Variants in TBL1XR1 observed in about 807,000 individuals in gnomAD.
TBL1XR1 encodes the protein TBL1X/Y related 1.
In TBL1XR1, 5 loss-of-function variants were observed where a neutral mutation model predicts 66.9. The ratio of observed to expected loss-of-function variants is 0.07; its 90% confidence interval spans 0.04 to 0.16. The LOEUF (loss-of-function observed/expected upper bound fraction) is 0.16. Ranked by LOEUF, TBL1XR1 falls within the 10% of genes least tolerant of loss-of-function variation. The pLI is 1.00. For missense variants in TBL1XR1, 238 were observed against 623.2 expected, an observed-to-expected ratio of 0.38 and a Z score of 6.58; for synonymous variants, 210 against 206.0, an observed-to-expected ratio of 1.02 and a Z score of -0.17.
At chr3:177,072,297 G>A (rs1438890934) in intron 2 of TBL1XR1, among the ~76,000 whole-genome samples, 1 of 152,054 alleles carries the variant, frequency 6.6e-6, no homozygotes, top group African/African-American at 2.4e-5. Context: ...GGAACTGTGA[G>A]GTCAAAATTA....
At position 177,138,050 on chromosome 3, in the gene TBL1XR1, A is replaced by G. The variant is rs143997764; in HGVS notation, c.-121-39509T>C. 8.8e-3 allele frequency among the ~76,000 whole-genome samples: 1,344 copies of G among 152,336 alleles called. 5 individuals are homozygous for G. Among genetic ancestry groups the G allele is most frequent in the Non-Finnish European group, 0.015 (999 of 68,022 alleles). On this transcript the variant is annotated intron_variant, in intron 1 of 15. Transcript: ENST00000457928. ...TGATAAATTCTAAAGAATTTTGATC[A>G]GGTTGAAAGTAAAACAGACTGACAA...
In TBL1XR1 at chr3:177,061,486, T is replaced by C. The variant is rs544560039; in HGVS notation, c.58+3434A>G. 1.5e-4 allele frequency among the ~76,000 whole-genome samples: 23 copies of C among 152,308 alleles called. No homozygotes were observed. In the East Asian group the frequency reaches 3.7e-3, roughly 24 times the overall value. ...TATCAAAACATAAAAACTTTCATAA[T>C]GTGTTTTTGGACAGTCTTTGATAAT... On this transcript the variant is annotated intron_variant, in intron 3 of 15. Coordinates refer to ENST00000457928, the MANE Select transcript of TBL1XR1 (RefSeq NM_024665.7).
chr3:177,196,885 G>A (rs867372665), intron 1 of TBL1XR1, among the ~76,000 whole-genome samples: 3 of 151,780 alleles, frequency 2.0e-5, no homozygotes, highest in African/African-American at 4.8e-5. Flanking sequence ...GGGCAGGCAC[G>A]TGAGCATTTC....
intron 10 of TBL1XR1, among the ~76,000 whole-genome samples, chr3:177,039,116 A>G (rs1231628469): frequency 2.0e-5 from 3 of 152,266 alleles, no homozygotes; most frequent in African/African-American, 4.8e-5. Flanking sequence ...ATTATAAGGT[A>G]TATGTAAAAC....
intron 2 of TBL1XR1, among the ~76,000 whole-genome samples, 183 bp downstream of exon 2, chr3:177,098,283 A>T (rs891423205): frequency 3.3e-5 from 5 of 152,260 alleles, no homozygotes; most frequent in Non-Finnish European, 2.9e-5. Context: ...AAATATTCAA[A>T]AGTTATTTTT....
chr3:177,130,936 G>A (rs542476519), intron 1 of TBL1XR1, among the ~76,000 whole-genome samples: 92 of 152,254 alleles, frequency 6.0e-4, no homozygotes, highest in Middle Eastern at 3.4e-3. Context: ...GAGGTTAAGA[G>A]GATTGTTTGA....
chr3:177,144,048 C>G (rs1351625650), intron 1 of TBL1XR1, among the ~76,000 whole-genome samples: 1 of 151,624 alleles, frequency 6.6e-6, no homozygotes, highest in Non-Finnish European at 1.5e-5. Context: ...GAGTTTAAGA[C>G]CAGCCTGACC....
At chr3:177,084,083 G>A (rs1204313899) in intron 2 of TBL1XR1, among the ~76,000 whole-genome samples, 16 of 111,674 alleles carry the variant, frequency 1.4e-4, no homozygotes, top group African/African-American at 4.1e-4. Context: ...GCGAGACTCC[G>A]TCTCAAAAAA....
chr3:177,128,985 C>T (rs1727973624), intron 1 of TBL1XR1, among the ~76,000 whole-genome samples: 1 of 152,150 alleles, frequency 6.6e-6, no homozygotes, highest in Admixed American at 6.5e-5. Context: ...TTCTATAACT[C>T]CACTTACACG....
At chr3:177,081,839 A>G (rs1476414840) in intron 2 of TBL1XR1, among the ~76,000 whole-genome samples, 1 of 152,050 alleles carries the variant, frequency 6.6e-6, no homozygotes, top group African/African-American at 2.4e-5. Flanking sequence ...TAATTACAGT[A>G]TTGTATATAT....
At chr3:177,108,925 GAGA>G (rs1430605006) in intron 1 of TBL1XR1, among the ~76,000 whole-genome samples, 3 of 152,254 alleles carry the variant, frequency 2.0e-5, no homozygotes, top group Admixed American at 1.3e-4. Flanking sequence ...AAGCAGCGAT[GAGA>G]AGAAATGTTA....
intron 1 of TBL1XR1, among the ~76,000 whole-genome samples, chr3:177,117,883 C>A (rs1451719315): frequency 6.6e-6 from 1 of 152,134 alleles, no homozygotes; most frequent in Non-Finnish European, 1.5e-5. Flanking sequence ...AGGTGAATGT[C>A]AACCAATAAC....
At chr3:177,079,618 A>G (rs1273306773) in intron 2 of TBL1XR1, 1 of 152,020 alleles carries the variant, frequency 6.6e-6, no homozygotes, top group Non-Finnish European at 1.5e-5. Context: ...AAATCCTCTG[A>G]AAGTTTAACT....
At chr3:177,067,176 A>G (rs1719276821) in intron 2 of TBL1XR1, among the ~76,000 whole-genome samples, 1 of 152,202 alleles carries the variant, frequency 6.6e-6, no homozygotes, top group Non-Finnish European at 1.5e-5. Flanking sequence ...TGACTTTAAA[A>G]ACAAAACATC....
chr3:177,129,010 T>C (rs567285420), intron 1 of TBL1XR1, among the ~76,000 whole-genome samples: 1 of 152,212 alleles, frequency 6.6e-6, no homozygotes, highest in South Asian at 2.1e-4. Flanking sequence ...TCAAATTTCA[T>C]GTTCAGCACG....
intron 2 of TBL1XR1, among the ~76,000 whole-genome samples, chr3:177,097,029 A>G (rs1247209665): frequency 1.3e-5 from 2 of 152,212 alleles, no homozygotes; most frequent in East Asian, 3.8e-4. Flanking sequence ...GGAATTCAGA[A>G]GAGTTTAAAC....
upstream of TBL1XR1, among the ~76,000 whole-genome samples, chr3:177,200,600 T>C (rs981395305): frequency 2.6e-5 from 4 of 152,220 alleles, no homozygotes; most frequent in African/African-American, 9.6e-5. Context: ...GTTACTAATA[T>C]TCAGTACTTT....
At chr3:177,198,209 G>A (rs1231202861), upstream of TBL1XR1, among the ~76,000 whole-genome samples, 1 of 152,186 alleles carries the variant, frequency 6.6e-6, no homozygotes, top group Non-Finnish European at 1.5e-5. Flanking sequence ...ACGGGATCTG[G>A]AGAGAAAACA....
intron 7 of TBL1XR1, among the ~76,000 whole-genome samples, chr3:177,048,623 T>C (rs1716632115): frequency 1.3e-5 from 2 of 152,318 alleles, no homozygotes; most frequent in East Asian, 3.9e-4. Flanking sequence ...TCAAGTTTCC[T>C]CTAAACTATC....
Sources: gnomAD v4.1 joint callset for allele counts (sites outside exome capture counted in the v4.1 genomes callset) on GRCh38, gnomAD v4.1.1 for gene constraint, MANE v1.5 for transcripts, NCBI Gene and HGNC (gene_info 2026-07-23, HGNC 2026-07-21) for gene names.